Variants in MAN2B1 observed in about 807,000 individuals in gnomAD.
MAN2B1 encodes mannosidase alpha class 2B member 1, also known as lysosomal alpha-mannosidase.
A neutral mutation model predicts 127.5 loss-of-function variants in MAN2B1; 99 were observed. The observed-to-expected ratio is 0.78, with a 90% CI of 0.66 to 0.92. MAN2B1 has a LOEUF of 0.92. MAN2B1 is among the 40% of genes least tolerant of loss of function. The probability of loss-of-function intolerance (pLI) is 0.00; values close to 1 mark genes in which losing one functional copy is unlikely to be tolerated. For missense variants in MAN2B1, 1,304 were observed against 1,384.8 expected (o/e 0.94, Z 0.93); for synonymous variants, 573 against 568.8 (o/e 1.01, Z -0.11).
chr19:12,656,250 C>A (rs1023240529), intron 13 of MAN2B1: 2 of 441,734 alleles, frequency 4.5e-6, no homozygotes, highest in Non-Finnish European at 8.2e-6. Flanking sequence ...AATGGAGGAC[C>A]AGCCAGGCAC....
chr19:12,654,762 C>T (rs2023918887), intron 14 of MAN2B1, among the ~76,000 whole-genome samples: 1 of 152,040 alleles, frequency 6.6e-6, no homozygotes, highest in African/African-American at 2.4e-5. Flanking sequence ...GCAACCTCTG[C>T]CACCTGGGCT....
intron 3 of MAN2B1, 86 bp downstream of exon 3, chr19:12,665,266 G>A (rs1413292597): frequency 9.9e-6 from 15 of 1,515,398 alleles, no homozygotes; most frequent in South Asian, 2.3e-5. Context: ...CAGCTTGCAC[G>A]TGGCATGACA....
In MAN2B1 at chr19:12,655,679, G is replaced by T; in HGVS notation, c.1830+15C>A. Reference sequence around the variant, plus strand: ...TGTCACAGGAGCAGGAAAGGGGATTGAAATGGGGTCTCACCTCATTTTCGA... The same window carrying T: ...TGTCACAGGAGCAGGAAAGGGGATTTAAATGGGGTCTCACCTCATTTTCGA... On this transcript the variant is annotated intron_variant, in intron 14 of 23. Transcript: ENST00000456935. The T allele has an allele frequency of 1.2e-6, 2 of 1,605,490 alleles. No homozygotes were observed. Among genetic ancestry groups the T allele is most frequent in the South Asian group, 2.2e-5 (2 of 90,228 alleles).
At chr19:12,648,134 A>G (rs1164182126) in intron 21 of MAN2B1, 41 bp downstream of exon 21, 1 of 1,506,694 alleles carries the variant, frequency 6.6e-7, no homozygotes. Flanking sequence ...TCCCTGGTAG[A>G]CTTCAATCCG....
intron 14 of MAN2B1, among the ~76,000 whole-genome samples, chr19:12,654,794 C>T (rs1392419838): frequency 1.3e-5 from 2 of 151,992 alleles, no homozygotes; most frequent in Admixed American, 6.6e-5. Flanking sequence ...CCTTCCTCAG[C>T]CCCCAAGTAG....
Position 12,658,113 on chromosome 19 carries a change from C to T in MAN2B1, c.1259G>A (p.Gly420Asp), listed in dbSNP as rs772853856. Reference sequence around the variant, plus strand: ...ATAGGGTCCCACGTTGGCCGCCAGGCCCACCAGCGCCTCCAGCTGGTTGCA... The same window carrying T: ...ATAGGGTCCCACGTTGGCCGCCAGGTCCACCAGCGCCTCCAGCTGGTTGCA... ...QVCNQLEALV[G>D]LAANVGPYGS... Residue 420 changes from glycine to aspartate, a missense_variant, in exon 10 of 24, where the codon GGC (glycine) becomes GAC (aspartate). By Grantham distance (94) the Gly-to-Asp change is moderately conservative. Coordinates refer to ENST00000456935, the MANE Select transcript of MAN2B1 (RefSeq NM_000528.4). The T allele has an allele frequency of 6.2e-7, 1 of 1,613,504 alleles. No individual in the cohort carries two copies. The highest frequency in any genetic ancestry group is 1.3e-5 in the African/African-American group (1 of 75,054).
chr19:12,665,726 G>A lies in MAN2B1; in HGVS notation c.239C>T (p.Thr80Ile), dbSNP rs566259319. 6.2e-7 allele frequency: 1 copy of A among 1,614,178 alleles called. No individual in the cohort carries two copies. Among genetic ancestry groups the A allele is most frequent in the Admixed American group, 1.7e-5 (1 of 60,028 alleles). ...HTHDDVGWLK[T>I]VDQYFYGIKN... Reference sequence around the variant, plus strand: ...ACTTCCATAAAAGTACTGGTCCACGGTTTTGAGCCAGCCCACGTCATCATG... The same window carrying A: ...ACTTCCATAAAAGTACTGGTCCACGATTTTGAGCCAGCCCACGTCATCATG... Residue 80 changes from threonine to isoleucine, a missense_variant, in exon 2 of 24, where the codon ACC becomes ATC. Coordinates refer to ENST00000456935, the MANE Select transcript of MAN2B1 (RefSeq NM_000528.4).
In MAN2B1 at chr19:12,663,734, G is replaced by A. The variant is rs1434898897; in HGVS notation, c.732C>T (p.Ser244=). The change falls in exon 5 of 24, where the codon AGC becomes AGT. Residue 244 remains serine (S), a synonymous_variant. Coordinates refer to ENST00000456935, the MANE Select transcript of MAN2B1 (RefSeq NM_000528.4). ...EMEQVWRAST[S]LKPPTADLFT... ...AGAGGTCCGCGGTCGGGGGCTTCAG[G>A]CTGGTGCTGGCCCGCCACACCTGCT... 4.3e-6 allele frequency: 7 copies of A among 1,613,450 alleles called. No homozygotes were observed. Among genetic ancestry groups the A allele is most frequent in the Non-Finnish European group, 5.9e-6 (7 of 1,179,910 alleles).
intron 6 of MAN2B1, among the ~76,000 whole-genome samples, chr19:12,662,631 TA>T (rs938128716): frequency 7.7e-6 from 1 of 130,540 alleles, no homozygotes; most frequent in Non-Finnish European, 1.6e-5. Context: ...CTAAAAAAAA[TA>T]AAAAAGGAAT....
In MAN2B1 at chr19:12,665,791, C is replaced by T; in HGVS notation, c.174G>A (p.Val58=). The T allele has an allele frequency of 3.1e-6, 5 of 1,613,874 alleles. No individual in the cohort carries two copies. The South Asian group carries it at 4.4e-5, about 14-fold the overall frequency. Residue 58 remains valine, a synonymous_variant, in exon 2 of 24, where the codon GTG becomes GTA. Coordinates refer to ENST00000456935, the MANE Select transcript of MAN2B1 (RefSeq NM_000528.4). ...GGTGCACGTTCAGCATGTTCGGCTG[C>T]ACTGTGGGGCATGTCTGCACAGGGA... ...RAGGYETCPT[V]QPNMLNVHLL... is the part of the protein sequence containing the mutation.
intron 16 of MAN2B1, among the ~76,000 whole-genome samples, chr19:12,650,631 T>C (rs2023823002): frequency 6.6e-6 from 1 of 151,782 alleles, no homozygotes. Context: ...GTGCTGGGAT[T>C]ACAGGCGTGA....
rs1347035611 is a variant in MAN2B1 at position 12,649,154 on chromosome 19, ATCTC to A, written c.2414_2417del (p.Arg805MetfsTer13). 6.2e-7 allele frequency: 1 copy of A among 1,612,390 alleles called. No individual in the cohort carries two copies. Among genetic ancestry groups the A allele is most frequent in the Non-Finnish European group, 8.5e-7 (1 of 1,179,966 alleles). On this transcript the variant is annotated frameshift_variant, in exon 20 of 24. Transcript: ENST00000456935. LOFTEE classifies it high-confidence loss of function. Reference sequence around the variant, plus strand: ...CACTCACCATGAGCTCCAGCGAGCCATCTCTCAGGCTGCTGCCCCCCTGGGAGCG... The same window carrying A: ...CACTCACCATGAGCTCCAGCGAGCCATCAGGCTGCTGCCCCCCTGGGAGCG...
Position 12,647,492 on chromosome 19 carries a change from C to G in MAN2B1, c.2771G>C (p.Gly924Ala). The G allele has an allele frequency of 6.2e-7, 1 of 1,614,252 alleles. No homozygotes were observed. Among genetic ancestry groups the G allele is most frequent in the Non-Finnish European group, 8.5e-7 (1 of 1,180,044 alleles). ...GCTCAGGTTACGTCCGGAATCCTCT[C>G]CTACGGCAAACTGGTGCTCCAAGCG... is the stretch of plus-strand genomic sequence containing the variant. ...LLRLEHQFAV[G>A]EDSGRNLSAP... Residue 924 changes from glycine to alanine, a missense_variant, in exon 22 of 24, where the codon GGA becomes GCA. By Grantham distance (60) the Gly-to-Ala change is moderately conservative. Coordinates refer to ENST00000456935, the MANE Select transcript of MAN2B1 (RefSeq NM_000528.4). This position sits in a 1 kb window ranked among gnomAD's most constrained non-coding sequence, Gnocchi z 4.9.
At chr19:12,656,372 AGG>A in intron 13 of MAN2B1, 197 bp downstream of exon 13, 1 of 538,174 alleles carries the variant, frequency 1.9e-6, no homozygotes. Flanking sequence ...AAAAAAAAAA[AGG>A]GAGGACCACT....
Position 12,665,541 on chromosome 19 carries a change from A to G in MAN2B1, c.263-16T>C, listed in dbSNP as rs1185573827. 1 of 1,614,102 alleles carries G rather than the reference A, an allele frequency of 6.2e-7. No homozygotes were observed. Among genetic ancestry groups the G allele is most frequent in the African/African-American group, 1.3e-5 (1 of 75,054 alleles). The stretch of plus-strand genomic sequence containing the variant: ...TCATTCTTGACTGTGGATAACAGGG[A>G]TAAGGCTCTCAGGGAACAGCAGAGC... On this transcript the variant is annotated splice_polypyrimidine_tract_variant and intron_variant, in intron 2 of 23. Coordinates refer to ENST00000456935, the MANE Select transcript of MAN2B1 (RefSeq NM_000528.4).
chr19:12,652,536 CTTTT>C (rs71168621), intron 14 of MAN2B1, 76 bp from the exon 15 acceptor site: 96 of 779,732 alleles, frequency 1.2e-4, no homozygotes, highest in Non-Finnish European at 3.9e-5. Context: ...TTTCTTTTTT[CTTTT>C]TTTTTTTTTG....
Position 12,658,219 on chromosome 19 carries a change from C to A in MAN2B1, c.1230+5G>T, listed in dbSNP as rs1398531876. ...CATGCCCCCTCTAGCCCGGCTCCTA[C>A]CCACCTGCAGGAAGTTGTAGCTGAG... On this transcript the variant is annotated splice_donor_5th_base_variant and intron_variant, in intron 9 of 23. Coordinates refer to ENST00000456935, the MANE Select transcript of MAN2B1 (RefSeq NM_000528.4). 1.2e-6 allele frequency: 2 copies of A among 1,613,876 alleles called. No homozygotes were observed. The highest frequency in any genetic ancestry group is 2.7e-5 in the African/African-American group (2 of 74,952).
chr19:12,655,617 C>G, intron 14 of MAN2B1, 77 bp downstream of exon 14: 1 of 1,473,724 alleles, frequency 6.8e-7, no homozygotes, highest in Non-Finnish European at 9.2e-7. Flanking sequence ...GACCTGCTGA[C>G]CCAGAGTCCA....
intron 18 of MAN2B1, 46 bp from the exon 19 acceptor site, chr19:12,649,474 A>AAT: frequency 8.4e-6 from 5 of 592,322 alleles, no homozygotes; most frequent in Non-Finnish European, 1.3e-5. Context: ...TGGCTCCCCA[A>AAT]CTCTTTTTTT....
Sources: allele counts gnomAD v4.1 joint callset (sites outside exome capture counted in the v4.1 genomes callset), GRCh38; gene constraint gnomAD v4.1.1; non-coding constraint Gnocchi (gnomAD v3.1); transcripts MANE v1.5; gene names NCBI Gene and HGNC (gene_info 2026-07-23, HGNC 2026-07-21).